CATSPERB: variants seen among roughly 807,000 people sequenced by gnomAD.
CATSPERB encodes cation channel sperm-associated auxiliary subunit beta.
In CATSPERB, 93 loss-of-function variants were observed where a neutral mutation model predicts 128.3. That is an observed-to-expected ratio of 0.72 (90% CI 0.61 to 0.86). CATSPERB has a LOEUF of 0.86. CATSPERB is among the 40% of genes least tolerant of loss of function. CATSPERB has a pLI of 0.00. For missense variants in CATSPERB, 1,153 were observed against 1,329.5 expected, an observed-to-expected ratio of 0.87 and a Z score of 2.06; for synonymous variants, 381 against 448.8, an observed-to-expected ratio of 0.85 and a Z score of 1.91.
intron 4 of CATSPERB, among the ~76,000 whole-genome samples, chr14:91,719,938 G>A (rs757879108): frequency 3.9e-5 from 6 of 152,094 alleles, no homozygotes; most frequent in African/African-American, 7.2e-5. Flanking sequence ...GGCAATAAAG[G>A]TGCAAAGGAC....
chr14:91,592,389 C>T (rs1364902554), intron 22 of CATSPERB: 1 of 223,308 alleles, frequency 4.5e-6, no homozygotes, highest in Non-Finnish European at 8.8e-6. Flanking sequence ...TGCACACTCT[C>T]CAAACCTACT....
chr14:91,601,957 T>C (rs185416959), intron 22 of CATSPERB, among the ~76,000 whole-genome samples: 355 of 152,258 alleles, frequency 2.3e-3, no homozygotes, highest in Non-Finnish European at 4.2e-3. Context: ...TCTACAGTGA[T>C]ATTTATATGA....
rs76346239 is a variant in CATSPERB at position 91,725,644 on chromosome 14, A to G, written c.80-476T>C. 5.2e-3 allele frequency among the ~76,000 whole-genome samples: 791 copies of G among 152,298 alleles called. 7 individuals are homozygous for G. Among genetic ancestry groups the G allele is most frequent in the African/African-American group, 0.018 (739 of 41,560 alleles). ...AACATGTATCCCTGCAGTTTGGGGC[A>G]CAAACTCAGACTCCTGCTTAGAAAA... On this transcript the variant is annotated intron_variant, in intron 2 of 26. Transcript: ENST00000256343.
intron 15 of CATSPERB, among the ~76,000 whole-genome samples, chr14:91,644,426 C>G (rs1308053076): frequency 1.3e-5 from 2 of 149,200 alleles, no homozygotes; most frequent in East Asian, 2.0e-4. Flanking sequence ...AATCTCTCAG[C>G]ATTTGCTTGT....
chr14:91,621,608 C>A lies in CATSPERB; in HGVS notation c.2260G>T (p.Gly754Cys). 1 of 1,559,302 alleles carries A rather than the reference C, an allele frequency of 6.4e-7. No homozygotes were observed. Among genetic ancestry groups the A allele is most frequent in the Non-Finnish European group, 8.7e-7 (1 of 1,153,748 alleles). Residue 754 changes from glycine to cysteine, a missense_variant and splice_region_variant, in exon 19 of 27, where the codon GGT (glycine) becomes TGT (cysteine). Physicochemically the swap from Gly to Cys is radical, Grantham distance 159 (BLOSUM62 -3). Coordinates refer to ENST00000256343, the MANE Select transcript of CATSPERB (RefSeq NM_024764.4). ...TATTTTCCGATCAAAACAAACTTAC[C>A]TTTTGCATTCCGTATGACCTTAGCT... ...LKAKVIRNAK[G>C]FRMLEIPLLT...
In CATSPERB at chr14:91,704,531, T is replaced by G. The variant is rs1301425852; in HGVS notation, c.616+21A>C. ...AAATATAAAAGGCCAATGTCAACATTTAATGAAGCTGTAGACCTACCATCA... is the reference window on the plus strand; with the variant it reads ...AAATATAAAAGGCCAATGTCAACATGTAATGAAGCTGTAGACCTACCATCA... On this transcript the variant is annotated intron_variant, in intron 7 of 26. Coordinates refer to ENST00000256343, the MANE Select transcript of CATSPERB (RefSeq NM_024764.4). 1.9e-6 allele frequency: 3 copies of G among 1,580,162 alleles called. No homozygotes were observed. The Admixed American group carries it at 5.5e-5, about 29-fold the overall frequency.
rs376703596 is a variant in CATSPERB, at chr14:91,708,187, T to A, written c.420A>T (p.Gly140=). ...TTCCTTCAGTAGCATAAATATTTAG[T>A]CCATGATGTAAAGTGATTCTTACTA... is the stretch of plus-strand genomic sequence containing the variant. The part of the protein sequence containing the change: ...EWLVRITLHH[G]LNIYATEGTL... The change falls in exon 6 of 27, where the codon GGA becomes GGT. Residue 140 remains glycine (G), a synonymous_variant. Transcript: ENST00000256343. The A allele has an allele frequency of 9.5e-5, 153 of 1,611,990 alleles. No individual in the cohort carries two copies. Among genetic ancestry groups the A allele is most frequent in the Non-Finnish European group, 1.3e-4 (149 of 1,178,874 alleles).
At chr14:91,690,992 G>C (rs971760191) in intron 10 of CATSPERB, among the ~76,000 whole-genome samples, 21 of 152,186 alleles carry the variant, frequency 1.4e-4, no homozygotes, top group African/African-American at 4.6e-4. Flanking sequence ...CACAAAACTT[G>C]ACTTTTTAAC....
intron 22 of CATSPERB, chr14:91,605,243 G>A (rs1893678368): frequency 6.7e-7 from 1 of 1,500,550 alleles, no homozygotes; most frequent in Admixed American, 1.7e-5. Context: ...ACAAATCACA[G>A]GTGTAAGTGA....
Position 91,674,226 on chromosome 14 carries a change from T to C in CATSPERB, c.932-4A>G, listed in dbSNP as rs1222261214. Reference sequence around the variant, plus strand: ...AAGGTAACTGTAACATAATCAACTGTGAAATAAATACAAGGGTACAGGAAT... The same window carrying C: ...AAGGTAACTGTAACATAATCAACTGCGAAATAAATACAAGGGTACAGGAAT... On this transcript the variant is annotated splice_polypyrimidine_tract_variant and splice_region_variant and intron_variant, in intron 11 of 26. Coordinates refer to ENST00000256343, the MANE Select transcript of CATSPERB (RefSeq NM_024764.4). 6.5e-7 allele frequency: 1 copy of C among 1,532,742 alleles called. No homozygotes were observed. The highest frequency in any genetic ancestry group is 9.0e-7 in the Non-Finnish European group (1 of 1,113,450). The allele number at this position is 1,532,742 out of a possible 1,614,324, so 94.9% of individuals were successfully genotyped here. A position where few individuals can be genotyped will look rare whatever the true frequency, so the allele number is the denominator to read the frequency against.
chr14:91,687,527 A>AT (rs1895395803), intron 10 of CATSPERB, among the ~76,000 whole-genome samples: 1 of 152,164 alleles, frequency 6.6e-6, no homozygotes. Context: ...CAGACACTGA[A>AT]TTTGCCTGTG....
At chr14:91,644,295 C>A (rs1460889978) in intron 15 of CATSPERB, among the ~76,000 whole-genome samples, 8 of 126,914 alleles carry the variant, frequency 6.3e-5, no homozygotes, top group Admixed American at 7.7e-5. Flanking sequence ...GATGCAGTTT[C>A]TTCCTAGTCT....
At chr14:91,659,703 G>C in intron 15 of CATSPERB, 134 bp downstream of exon 15, 1 of 779,690 alleles carries the variant, frequency 1.3e-6, no homozygotes, top group Non-Finnish European at 2.0e-6. Flanking sequence ...TCCTACTTCT[G>C]TAGATCCTAC....
chr14:91,664,796 G>C (rs184074736), intron 14 of CATSPERB, among the ~76,000 whole-genome samples: 1 of 152,044 alleles, frequency 6.6e-6, no homozygotes, highest in Non-Finnish European at 1.5e-5. Flanking sequence ...TCAACTGTTC[G>C]TTCTGTTTCT....
chr14:91,635,792 T>C (rs537753958), intron 17 of CATSPERB: 4 of 152,374 alleles, frequency 2.6e-5, no homozygotes, highest in Admixed American at 2.6e-4. Flanking sequence ...CTCCACTACA[T>C]TAAATGTGTT....
intron 12 of CATSPERB, 89 bp downstream of exon 12, chr14:91,674,087 G>T: frequency 1.3e-6 from 1 of 750,562 alleles, no homozygotes; most frequent in Non-Finnish European, 2.3e-6. Context: ...TCAGTCTGTA[G>T]AATTGCCATT....
At chr14:91,638,713 C>T (rs1042235129) in intron 16 of CATSPERB, among the ~76,000 whole-genome samples, 4 of 152,248 alleles carry the variant, frequency 2.6e-5, no homozygotes, top group Middle Eastern at 3.4e-3. Context: ...TGAGCCATGG[C>T]GCCTGGCCTC....
chr14:91,615,857 T>A (rs1474955166), intron 20 of CATSPERB, among the ~76,000 whole-genome samples: 4 of 150,848 alleles, frequency 2.7e-5, no homozygotes, highest in Admixed American at 6.7e-5. Context: ...CTACTTTTAG[T>A]TTTTTGAGGA....
chr14:91,590,060 C>A (rs1047091852), intron 23 of CATSPERB, among the ~76,000 whole-genome samples: 12 of 152,282 alleles, frequency 7.9e-5, no homozygotes, highest in African/African-American at 2.6e-4. Flanking sequence ...GAACTCAAAG[C>A]CAGCCCCAAT....
Sources: allele counts gnomAD v4.1 joint callset (sites outside exome capture counted in the v4.1 genomes callset), GRCh38; gene constraint gnomAD v4.1.1; transcripts MANE v1.5; gene names NCBI Gene and HGNC (gene_info 2026-07-23, HGNC 2026-07-21).